Variants in NARS2 observed in about 807,000 individuals in gnomAD.
NARS2 encodes asparaginyl-tRNA synthetase 2, mitochondrial.
Under a neutral mutation model 62.9 loss-of-function variants are expected in NARS2, and 60 were observed. The ratio of observed to expected loss-of-function variants is 0.95; its 90% CI spans 0.77 to 1.18. NARS2 has a LOEUF of 1.18. Among genes scored for constraint, NARS2 ranks in the 50% most tolerant of loss-of-function variants. NARS2 has a pLI of 0.00. For synonymous variants in NARS2, 196 were observed against 200.0 expected, an observed-to-expected ratio of 0.98 and a Z score of 0.17; for missense variants, 619 against 576.4, an observed-to-expected ratio of 1.07 and a Z score of -0.76.
chr11:78,442,450 A>T (rs1360183046), intron 12 of NARS2, among the ~76,000 whole-genome samples: 1 of 152,224 alleles, frequency 6.6e-6, no homozygotes, highest in Admixed American at 6.5e-5. Flanking sequence ...GGAGATTTAC[A>T]TATAGGTTGA....
chr11:78,568,954 G>A (rs1445002385), intron 2 of NARS2, among the ~76,000 whole-genome samples: 1 of 152,044 alleles, frequency 6.6e-6, no homozygotes, highest in Non-Finnish European at 1.5e-5. Context: ...GCTTTAAAAT[G>A]GGAATAGAGT....
intron 11 of NARS2, among the ~76,000 whole-genome samples, chr11:78,448,634 T>C (rs1857848818): frequency 6.6e-6 from 1 of 152,098 alleles, no homozygotes; most frequent in African/African-American, 2.4e-5. Context: ...ATACTTTAAG[T>C]ACATGTAAAG....
At chr11:78,553,212 A>G (rs749608126) in intron 5 of NARS2, among the ~76,000 whole-genome samples, 9 of 152,086 alleles carry the variant, frequency 5.9e-5, no homozygotes, top group Non-Finnish European at 1.2e-4. Flanking sequence ...GATCAGTGAT[A>G]TTGAGCTTTT....
chr11:78,470,882 A>ATT (rs67863152), intron 9 of NARS2, among the ~76,000 whole-genome samples: 80,206 of 135,172 alleles, frequency 0.59, 24,918 homozygotes, highest in Non-Finnish European at 0.68. Flanking sequence ...AGTATTTTGG[A>ATT]TTTTTTTTTT....
At chr11:78,447,524 T>C (rs1292806799) in intron 11 of NARS2, among the ~76,000 whole-genome samples, 1 of 152,094 alleles carries the variant, frequency 6.6e-6, no homozygotes, top group Non-Finnish European at 1.5e-5. Context: ...TAGAAATCAG[T>C]ATATTGGTGG....
At chr11:78,506,359 A>C (rs1487468711) in intron 6 of NARS2, among the ~76,000 whole-genome samples, 1 of 152,252 alleles carries the variant, frequency 6.6e-6, no homozygotes, top group East Asian at 1.9e-4. Context: ...ATATGTCCAC[A>C]CACAGACTCC....
intron 5 of NARS2, among the ~76,000 whole-genome samples, chr11:78,537,787 G>C (rs1457148540): frequency 6.6e-6 from 1 of 152,226 alleles, no homozygotes; most frequent in Non-Finnish European, 1.5e-5. Context: ...AACAGAGCAA[G>C]ATCTTGTCCC....
intron 10 of NARS2, 98 bp from the exon 11 acceptor site, chr11:78,466,111 C>A: frequency 8.0e-7 from 1 of 1,245,364 alleles, no homozygotes; most frequent in Non-Finnish European, 1.1e-6. Context: ...AGGGCTTCAT[C>A]TTCCTGAGGC....
intron 11 of NARS2, among the ~76,000 whole-genome samples, chr11:78,460,772 C>CAATGGA (rs1858364627): frequency 6.6e-6 from 1 of 152,096 alleles, no homozygotes; most frequent in Non-Finnish European, 1.5e-5. Flanking sequence ...ATGTAAATGG[C>CAATGGA]AGTCAATGAG....
intron 11 of NARS2, among the ~76,000 whole-genome samples, chr11:78,453,794 G>T (rs1263990472): frequency 2.0e-5 from 3 of 152,176 alleles, no homozygotes; most frequent in Non-Finnish European, 4.4e-5. Context: ...AGGAAAGAGG[G>T]CTTTCCAGAT....
At position 78,574,552 on chromosome 11, in the gene NARS2, G is replaced by A. The variant is rs1590885688; in HGVS notation, c.-64C>T. 9 of 1,504,208 alleles carry A rather than the reference G, an allele frequency of 6.0e-6. No homozygotes were observed. In the East Asian group the frequency reaches 1.7e-4, roughly 29 times the overall value. The allele number at this position is 1,504,208 out of a possible 1,614,324, so 93.2% of individuals were successfully genotyped here. A position where few individuals can be genotyped will look rare whatever the true frequency, so the allele number is the denominator to read the frequency against. On this transcript the variant is annotated 5_prime_UTR_variant, in exon 1 of 14. Transcript: ENST00000281038. ...CCCCACGGTTCGAACCCCGCCTGCA[G>A]CGGCCCTCCTTTCTCAGCTGCTCCC...
rs147619720 is a variant in NARS2 at position 78,439,728 on chromosome 11, C to T, written c.1289+1363G>A. 2.2e-4 allele frequency among the ~76,000 whole-genome samples: 34 copies of T among 152,168 alleles called. No individual in the cohort carries two copies. The East Asian group carries it at 5.8e-3, about 26-fold the overall frequency. On this transcript the variant is annotated intron_variant, in intron 13 of 13. Transcript: ENST00000281038. ...ACCTATCTCCTTCCATACCAAAAGG[C>T]GAGGGTGTAGGTAACTTGCCCCTTC...
intron 2 of NARS2, among the ~76,000 whole-genome samples, chr11:78,569,840 T>C (rs931785154): frequency 2.0e-5 from 3 of 152,206 alleles, no homozygotes; most frequent in Non-Finnish European, 4.4e-5. Context: ...ATTAGACCCA[T>C]GTGATTGCTA....
At chr11:78,480,001 C>T (rs758924671) in intron 7 of NARS2, among the ~76,000 whole-genome samples, 5 of 152,126 alleles carry the variant, frequency 3.3e-5, no homozygotes, top group Non-Finnish European at 2.9e-5. Flanking sequence ...TGGGATCAAG[C>T]GATCCTCCTG....
At chr11:78,494,046 AAT>A (rs1859948374) in intron 6 of NARS2, among the ~76,000 whole-genome samples, 1 of 152,238 alleles carries the variant, frequency 6.6e-6, no homozygotes, top group African/African-American at 2.4e-5. Flanking sequence ...CCTGTCTTTC[AAT>A]CAATGGTGAA....
At chr11:78,549,250 T>C (rs1427451436) in intron 5 of NARS2, among the ~76,000 whole-genome samples, 1 of 152,208 alleles carries the variant, frequency 6.6e-6, no homozygotes, top group Non-Finnish European at 1.5e-5. Context: ...CCAAGAAACC[T>C]GGGCTGCTGC....
At chr11:78,506,777 G>A (rs1565245003) in intron 6 of NARS2, among the ~76,000 whole-genome samples, 2 of 152,152 alleles carry the variant, frequency 1.3e-5, no homozygotes, top group African/African-American at 4.8e-5. Flanking sequence ...AGCCTCAGGC[G>A]ATCCACCTGC....
At chr11:78,472,553 A>G (rs1429751611) in intron 9 of NARS2, among the ~76,000 whole-genome samples, 1 of 152,218 alleles carries the variant, frequency 6.6e-6, no homozygotes, top group Non-Finnish European at 1.5e-5. Flanking sequence ...CATAAAGGCT[A>G]AATTCCATTA....
chr11:78,519,702 A>G (rs950857465), intron 6 of NARS2, among the ~76,000 whole-genome samples: 23 of 145,162 alleles, frequency 1.6e-4, no homozygotes, highest in Non-Finnish European at 2.7e-4. Context: ...TTAGTTGTTG[A>G]GTTTTTTTTT....
Sources: gnomAD v4.1 joint callset for allele counts (sites outside exome capture counted in the v4.1 genomes callset) on GRCh38, gnomAD v4.1.1 for gene constraint, MANE v1.5 for transcripts, NCBI Gene and HGNC (gene_info 2026-07-23, HGNC 2026-07-21) for gene names.